DERPC: variants seen among roughly 807,000 people sequenced by gnomAD.
DERPC encodes the protein decreased expression in renal and prostate cancer protein.
A neutral mutation model predicts 7.2 loss-of-function variants in DERPC; 1 was observed. The ratio of observed to expected loss-of-function variants is 0.14; its 90% CI spans 0.05 to 0.66. The LOEUF is 0.66. DERPC is among the 30% of genes least tolerant of loss of function. The pLI, the probability that DERPC is intolerant of heterozygous loss-of-function variation, is 0.84. For synonymous variants in DERPC, 185 were observed against 117.6 expected (o/e 1.57, Z -3.71); for missense variants, 502 against 299.4 (o/e 1.68, Z -4.99).
intron 1 of DERPC, among the ~76,000 whole-genome samples, chr16:69,125,264 T>C (rs1279248725): frequency 6.6e-6 from 1 of 152,224 alleles, no homozygotes; most frequent in Non-Finnish European, 1.5e-5. Context: ...GAATTTTTAC[T>C]GTGGAATTTT....
At chr16:69,125,199 C>T (rs201349352) in intron 1 of DERPC, among the ~76,000 whole-genome samples, 2 of 152,080 alleles carry the variant, frequency 1.3e-5, no homozygotes, top group Non-Finnish European at 2.9e-5. Flanking sequence ...TCATTGCGCC[C>T]GGCCAACTCA....
intron 1 of DERPC, among the ~76,000 whole-genome samples, chr16:69,130,834 C>G (rs1438894157): frequency 6.6e-6 from 1 of 152,166 alleles, no homozygotes; most frequent in African/African-American, 2.4e-5. Flanking sequence ...AGCAGGTCAT[C>G]AGAATAAAAT....
chr16:69,119,959 G>A lies in DERPC; in HGVS notation c.470C>T (p.Ser157Phe), dbSNP rs753798581. The change falls in exon 3 of 3, where the codon TCC becomes TTC. Residue 157 changes from serine (S) to phenylalanine (F), a missense_variant. Physicochemically the swap from Ser to Phe is radical, Grantham distance 155 (BLOSUM62 -2). Transcript: ENST00000519520. ...CAGGAGACCACCTGCCCTTGGGTTGGACATAGGACCTGGTCCTGGGAGACC... is the reference window on the plus strand; with the variant it reads ...CAGGAGACCACCTGCCCTTGGGTTGAACATAGGACCTGGTCCTGGGAGACC... Reference protein sequence around the residue: ...LGGLPGPGPMSNPRAGGLLGA... With the variant: ...LGGLPGPGPMFNPRAGGLLGA... 1.4e-6 allele frequency: 1 copy of A among 701,140 alleles called. No homozygotes were observed. The highest frequency in any genetic ancestry group is 2.0e-5 in the Admixed American group (1 of 49,988). 43.4% of individuals were successfully genotyped at this position (701,140 alleles called of 1,614,324 possible). A position where few individuals can be genotyped will look rare whatever the true frequency, so the allele number is the denominator to read the frequency against.
At chr16:69,124,110 GAAAA>G (rs548522836) in intron 1 of DERPC, among the ~76,000 whole-genome samples, 1 of 138,286 alleles carries the variant, frequency 7.2e-6, no homozygotes, top group Non-Finnish European at 1.6e-5. Flanking sequence ...TCTCAAAGGG[GAAAA>G]AAAAAAAAAG....
At position 69,119,054 on chromosome 16, in the gene DERPC, T is replaced by C. The variant is rs774246582; in HGVS notation, c.1375A>G (p.Ile459Val). 56 of 702,890 alleles carry C rather than the reference T, an allele frequency of 8.0e-5. No homozygotes were observed. Among genetic ancestry groups the C allele is most frequent in the Admixed American group, 3.4e-4 (17 of 50,004 alleles). 43.5% of individuals were successfully genotyped at this position (702,890 alleles called of 1,614,324 possible). A position where few individuals can be genotyped will look rare whatever the true frequency, so the allele number is the denominator to read the frequency against. ...GGCCTTGTGAAAGGAGCTGGGTTGA[T>C]ACCCACAGGGCCAGCTGGAGAAGGG... The part of the protein sequence containing the change: ...LGPSPAGPVG[I>V]NPAPFTRPTG... The change falls in exon 3 of 3, where the codon ATC becomes GTC. Residue 459 changes from isoleucine to valine, a missense_variant. Transcript: ENST00000519520.
intron 1 of DERPC, among the ~76,000 whole-genome samples, chr16:69,130,771 A>G (rs1962441601): frequency 6.6e-6 from 1 of 152,240 alleles, no homozygotes. Context: ...TCTTAATACT[A>G]CACTGTGTTA....
intron 1 of DERPC, among the ~76,000 whole-genome samples, chr16:69,130,426 T>G (rs1191436243): frequency 6.6e-6 from 1 of 152,214 alleles, no homozygotes; most frequent in African/African-American, 2.4e-5. Context: ...ATTTTCTATT[T>G]TTTGCTAGGC....
Position 69,118,129 on chromosome 16 carries a change from C to CCCCCCCCCCA in DERPC, c.*724_*725insTGGGGGGGGG. 1 of 364,368 alleles carries CCCCCCCCCCA rather than the reference C, an allele frequency of 2.7e-6. No homozygotes were observed. 22.6% of individuals were successfully genotyped at this position (364,368 alleles called of 1,614,324 possible). ...GTGATTTCTTCCCTTCATCCCCCAC[C>CCCCCCCCCCA]CCCACCCTAATTCCCATATTCCCAT... is the stretch of plus-strand genomic sequence containing the variant. On this transcript the variant is annotated 3_prime_UTR_variant, in exon 3 of 3. Transcript: ENST00000519520.
At position 69,127,754 on chromosome 16, in the gene DERPC, C is replaced by T. The variant is rs1406604027; in HGVS notation, c.-280+4730G>A. On this transcript the variant is annotated intron_variant, in intron 1 of 2. Coordinates refer to ENST00000519520, the MANE Select transcript of DERPC (RefSeq NM_001002847.4). ...CCTCCCAAGTAGCTGGGACTACAGG[C>T]GCCCGCCACCACACCCGGCAACTTT... 5.3e-5 allele frequency among the ~76,000 whole-genome samples: 8 copies of T among 151,312 alleles called. No homozygotes were observed. In the East Asian group the frequency reaches 7.8e-4, roughly 15 times the overall value.
At chr16:69,130,029 G>C (rs1567595231) in intron 1 of DERPC, among the ~76,000 whole-genome samples, 1 of 152,200 alleles carries the variant, frequency 6.6e-6, no homozygotes, top group Non-Finnish European at 1.5e-5. Context: ...GACATTCTTT[G>C]TCAAGTATTC....
rs1255701141 is a variant in DERPC at position 69,118,957 on chromosome 16, G to A, written c.1472C>T (p.Pro491Leu). ...AGGGAGGCTCCCCACTCTAGGAAAT[G>A]GGACGAAACTCTTGCCTGCAGGGCC... ...MNGPAGKSFVPFPRVGSLPGT... is the reference protein window; with the variant it reads ...MNGPAGKSFVLFPRVGSLPGT... The change falls in exon 3 of 3, where the codon CCA becomes CTA. Residue 491 changes from proline to leucine, a missense_variant. By Grantham distance (98) the Pro-to-Leu change is moderately conservative. Coordinates refer to ENST00000519520, the MANE Select transcript of DERPC (RefSeq NM_001002847.4). 1 of 702,924 alleles carries A rather than the reference G, an allele frequency of 1.4e-6. No individual in the cohort carries two copies. The highest frequency in any genetic ancestry group is 2.6e-6 in the Non-Finnish European group (1 of 385,040). 43.5% of individuals were successfully genotyped at this position (702,924 alleles called of 1,614,324 possible). A position where few individuals can be genotyped will look rare whatever the true frequency, so the allele number is the denominator to read the frequency against.
chr16:69,126,511 A>C lies in DERPC; in HGVS notation c.-279-5018T>G, dbSNP rs537106610. ...ACCAGACATCTAGCAATGCTCCTGC[A>C]AATAGTTCTGTGGCCCACAGGCCTC... On this transcript the variant is annotated intron_variant, in intron 1 of 2. Transcript: ENST00000519520. Among the ~76,000 whole-genome samples, 11 of 152,306 alleles carry C rather than the reference A, an allele frequency of 7.2e-5. No individual in the cohort carries two copies. In the South Asian group the frequency reaches 1.0e-3, roughly 14 times the overall value.
chr16:69,123,596 T>C (rs538565646), intron 1 of DERPC, among the ~76,000 whole-genome samples: 1 of 152,114 alleles, frequency 6.6e-6, no homozygotes, highest in East Asian at 1.9e-4. Context: ...AGGCAAAGGT[T>C]ACGGTGAGCC....
intron 1 of DERPC, among the ~76,000 whole-genome samples, chr16:69,124,621 C>G (rs546285329): frequency 6.6e-6 from 1 of 151,902 alleles, no homozygotes; most frequent in African/African-American, 2.4e-5. Context: ...GTGATCCACC[C>G]GCCTCAGCCT....
intron 1 of DERPC, chr16:69,132,131 C>T (rs1962584362): frequency 6.4e-6 from 1 of 155,660 alleles, no homozygotes; most frequent in Admixed American, 6.5e-5. Flanking sequence ...CGTCCTCCGC[C>T]CGCGCTCGGC....
chr16:69,123,021 A>G (rs1462017871), intron 1 of DERPC, among the ~76,000 whole-genome samples: 2 of 152,030 alleles, frequency 1.3e-5, no homozygotes, highest in Non-Finnish European at 2.9e-5. Flanking sequence ...GGCCTCTCAA[A>G]GTGCTGGGAT....
intron 1 of DERPC, 126 bp downstream of exon 1, chr16:69,132,358 C>T (rs1962611847): frequency 6.7e-6 from 1 of 148,766 alleles, no homozygotes; most frequent in Admixed American, 6.8e-5. Flanking sequence ...CGCCATTCTT[C>T]TCTCCGAGCC....
At chr16:69,121,251 A>G in intron 2 of DERPC, 185 bp downstream of exon 2, 6 of 1,372,908 alleles carry the variant, frequency 4.4e-6, no homozygotes, top group Non-Finnish European at 6.1e-6. Flanking sequence ...TTTGAGGCCC[A>G]AAGGACCTCT....
Position 69,118,528 on chromosome 16 carries a change from G to C in DERPC, c.*326C>G. On this transcript the variant is annotated 3_prime_UTR_variant, in exon 3 of 3. Transcript: ENST00000519520. ...GGGACCTGCAGGCCAATGTATCCCTGAGGAAAAGTCCACAAGAACAATTCA... is the reference window on the plus strand; with the variant it reads ...GGGACCTGCAGGCCAATGTATCCCTCAGGAAAAGTCCACAAGAACAATTCA... 1 of 954,288 alleles carries C rather than the reference G, an allele frequency of 1.0e-6. No homozygotes were observed. The highest frequency in any genetic ancestry group is 1.7e-6 in the Non-Finnish European group (1 of 579,932). The allele number at this position is 954,288 out of a possible 1,614,324, so 59.1% of individuals were successfully genotyped here. A position where few individuals can be genotyped will look rare whatever the true frequency, so the allele number is the denominator to read the frequency against.
Sources: gnomAD v4.1 joint callset for allele counts (sites outside exome capture counted in the v4.1 genomes callset) on GRCh38, gnomAD v4.1.1 for gene constraint, MANE v1.5 for transcripts, NCBI Gene and HGNC (gene_info 2026-07-23, HGNC 2026-07-21) for gene names.